The following EVI5 variants were observed in gnomAD, a reference collection of about 807,000 sequenced individuals.
EVI5 encodes ecotropic viral integration site 5.
EVI5 carries 73 observed loss-of-function variants against 112.0 expected under a neutral mutation model. The observed-to-expected ratio is 0.65, with a 90% CI of 0.54 to 0.79. EVI5 has a LOEUF of 0.79. Among genes scored for constraint, EVI5 ranks in the 30% least tolerant of loss-of-function variants. The pLI is 0.00. For missense variants in EVI5, 900 were observed against 968.8 expected, an observed-to-expected ratio of 0.93 and a Z score of 0.94; for synonymous variants, 305 against 319.9, an observed-to-expected ratio of 0.95 and a Z score of 0.50.
At position 92,677,352 on chromosome 1, in the gene EVI5, T is replaced by C. The variant is rs985469683; in HGVS notation, c.1098-134A>G. ...TCTTCTAGCTTATAACTTGGAGATA[T>C]TTGATGTGAGAAAAATCATGTGGCT... On this transcript the variant is annotated intron_variant, in intron 9 of 19. Transcript: ENST00000684568. 7.9e-6 allele frequency: 4 copies of C among 504,950 alleles called. No homozygotes were observed. In the East Asian group the frequency reaches 1.3e-4, roughly 17 times the overall value. The allele number at this position is 504,950 out of a possible 1,614,324, so 31.3% of individuals were successfully genotyped here. A position where few individuals can be genotyped will look rare whatever the true frequency, so the allele number is the denominator to read the frequency against.
chr1:92,654,260 T>C (rs1662644929), intron 13 of EVI5, among the ~76,000 whole-genome samples: 1 of 152,046 alleles, frequency 6.6e-6, no homozygotes, highest in Admixed American at 6.5e-5. Flanking sequence ...CCACCTACTG[T>C]CCTGGAGGCT....
At chr1:92,686,603 T>C (rs894965198) in intron 9 of EVI5, among the ~76,000 whole-genome samples, 5 of 152,186 alleles carry the variant, frequency 3.3e-5, no homozygotes, top group African/African-American at 1.2e-4. Flanking sequence ...GGAAGTCAAA[T>C]TGTCCCTGTT....
intron 19 of EVI5, among the ~76,000 whole-genome samples, chr1:92,523,755 T>G (rs1661357817): frequency 6.6e-6 from 1 of 152,110 alleles, no homozygotes; most frequent in South Asian, 2.1e-4. Flanking sequence ...CCTTCTGACT[T>G]GCTAATTCTC....
At chr1:92,596,609 T>A (rs1256486649) in intron 18 of EVI5, among the ~76,000 whole-genome samples, 2 of 151,712 alleles carry the variant, frequency 1.3e-5, no homozygotes, top group Non-Finnish European at 2.9e-5. Flanking sequence ...CTAAACAGGG[T>A]TTCATGGTGG....
chr1:92,620,632 G>GA (rs1247419975), intron 16 of EVI5, among the ~76,000 whole-genome samples: 3 of 151,862 alleles, frequency 2.0e-5, no homozygotes, highest in African/African-American at 4.8e-5. Context: ...AGTGTTAAAA[G>GA]AAAAAAACTG....
intron 1 of EVI5, among the ~76,000 whole-genome samples, chr1:92,790,791 T>TGCACC (rs932875344): frequency 2.0e-5 from 3 of 150,078 alleles, no homozygotes; most frequent in Non-Finnish European, 1.5e-5. Context: ...TGCACTGCAC[T>TGCACC]GCACCCTGGG....
intron 1 of EVI5, chr1:92,792,319 A>G (rs1170011107): frequency 6.7e-7 from 1 of 1,497,780 alleles, no homozygotes; most frequent in African/African-American, 1.4e-5. Context: ...TTAATATAAA[A>G]TCAAACATCG....
intron 1 of EVI5, among the ~76,000 whole-genome samples, chr1:92,791,713 A>C (rs1304536061): frequency 6.6e-6 from 1 of 152,124 alleles, no homozygotes; most frequent in Non-Finnish European, 1.5e-5. Flanking sequence ...TACAAACATT[A>C]GCTAATGTTA....
intron 10 of EVI5, among the ~76,000 whole-genome samples, chr1:92,672,468 C>T (rs1457614027): frequency 1.3e-5 from 2 of 152,184 alleles, no homozygotes; most frequent in African/African-American, 4.8e-5. Flanking sequence ...TCCTTCAGGT[C>T]TTTTTTCAAA....
intron 11 of EVI5, among the ~76,000 whole-genome samples, chr1:92,663,889 A>G (rs1664435844): frequency 6.6e-6 from 1 of 152,208 alleles, no homozygotes; most frequent in Non-Finnish European, 1.5e-5. Flanking sequence ...CTAGGACTAC[A>G]GGTGTGTGCC....
chr1:92,517,854 C>T (rs1056343478), intron 19 of EVI5, among the ~76,000 whole-genome samples: 4 of 149,794 alleles, frequency 2.7e-5, no homozygotes, highest in Non-Finnish European at 5.9e-5. Flanking sequence ...AAAAACTATC[C>T]ACTTGAAAAT....
intron 16 of EVI5, among the ~76,000 whole-genome samples, chr1:92,609,885 T>G (rs1207070547): frequency 2.6e-5 from 4 of 151,996 alleles, no homozygotes; most frequent in African/African-American, 9.7e-5. Context: ...TTTTTGTTTT[T>G]TTTTTTTTAG....
chr1:92,522,174 T>C (rs533135904), intron 19 of EVI5, among the ~76,000 whole-genome samples: 4 of 152,198 alleles, frequency 2.6e-5, no homozygotes, highest in Non-Finnish European at 5.9e-5. Flanking sequence ...CTCCTCACAA[T>C]AGCACTGCCA....
intron 16 of EVI5, among the ~76,000 whole-genome samples, chr1:92,617,571 C>T (rs1398004139): frequency 1.3e-5 from 2 of 152,214 alleles, no homozygotes; most frequent in Admixed American, 6.5e-5. Flanking sequence ...AACAAAGTGG[C>T]CATGGTGGCA....
chr1:92,640,633 G>A (rs1659760561), intron 13 of EVI5, among the ~76,000 whole-genome samples: 1 of 152,118 alleles, frequency 6.6e-6, no homozygotes, highest in Non-Finnish European at 1.5e-5. Flanking sequence ...CGGACAGATA[G>A]GAATGCTTTT....
upstream of EVI5, among the ~76,000 whole-genome samples, chr1:92,788,758 C>G (rs756699693): frequency 6.6e-6 from 1 of 152,112 alleles, no homozygotes; most frequent in Non-Finnish European, 1.5e-5. Context: ...CGCGCCACTG[C>G]TCTCCAGCCT....
At chr1:92,754,691 C>A (rs990095331) in intron 1 of EVI5, among the ~76,000 whole-genome samples, 3 of 152,220 alleles carry the variant, frequency 2.0e-5, no homozygotes, top group Non-Finnish European at 4.4e-5. Flanking sequence ...CTTGTGGCAA[C>A]TGGCTTCCCC....
At chr1:92,612,706 T>A (rs1202747157) in intron 16 of EVI5, among the ~76,000 whole-genome samples, 1 of 57,194 alleles carries the variant, frequency 1.7e-5, no homozygotes, top group African/African-American at 7.4e-5. Flanking sequence ...TAAGACTCCA[T>A]CTCAAAAAAA....
intron 1 of EVI5, among the ~76,000 whole-genome samples, chr1:92,765,116 C>G (rs1411758597): frequency 6.6e-6 from 1 of 151,816 alleles, no homozygotes; most frequent in African/African-American, 2.4e-5. Context: ...ATATACTTAA[C>G]CATTTGGTAA....
Sources: allele counts gnomAD v4.1 joint callset (sites outside exome capture counted in the v4.1 genomes callset), GRCh38; gene constraint gnomAD v4.1.1; transcripts MANE v1.5; gene names NCBI Gene and HGNC (gene_info 2026-07-23, HGNC 2026-07-21).